ADAMTSL3: variants seen among roughly 807,000 people sequenced by gnomAD.
ADAMTSL3 encodes the protein ADAMTS-like protein 3.
A neutral mutation model predicts 201.7 loss-of-function variants in ADAMTSL3; 128 were observed. That is an observed-to-expected ratio of 0.63 (90% CI 0.55 to 0.73). The LOEUF (loss-of-function observed/expected upper bound fraction) is 0.73, where lower values mean the gene tolerates loss of function less well. ADAMTSL3 is among the 30% of genes least tolerant of loss of function. ADAMTSL3 has a pLI of 0.00. For missense variants in ADAMTSL3, 1,990 were observed against 2,119.6 expected, an observed-to-expected ratio of 0.94 and a Z score of 1.20; for synonymous variants, 738 against 748.4, an observed-to-expected ratio of 0.99 and a Z score of 0.23.
chr15:83,793,186 TGAG>T (rs2063369569), intron 4 of ADAMTSL3, among the ~76,000 whole-genome samples: 1 of 152,108 alleles, frequency 6.6e-6, no homozygotes, highest in African/African-American at 2.4e-5. Context: ...TTAAGATGGT[TGAG>T]GAGGGGAGTT....
chr15:83,891,440 T>C, intron 12 of ADAMTSL3, 61 bp downstream of exon 12: 1 of 1,388,216 alleles, frequency 7.2e-7, no homozygotes, highest in Non-Finnish European at 1.0e-6. Context: ...AACTGTAGCA[T>C]CTGTAGCAAT....
intron 20 of ADAMTSL3, among the ~76,000 whole-genome samples, chr15:83,977,582 A>G (rs2067309414): frequency 1.3e-5 from 2 of 152,274 alleles, no homozygotes; most frequent in Non-Finnish European, 2.9e-5. Context: ...GTGGTCAGAA[A>G]GGACCAGAAA....
At chr15:83,820,840 C>A (rs757213923) in intron 6 of ADAMTSL3, among the ~76,000 whole-genome samples, 1 of 152,020 alleles carries the variant, frequency 6.6e-6, no homozygotes, top group Non-Finnish European at 1.5e-5. Flanking sequence ...TTTGGGAGGC[C>A]GAGGTGGGTG....
chr15:83,731,383 T>C (rs767830688), intron 3 of ADAMTSL3, among the ~76,000 whole-genome samples: 3 of 152,078 alleles, frequency 2.0e-5, no homozygotes, highest in Non-Finnish European at 4.4e-5. Flanking sequence ...TTAGGATGTC[T>C]GTTATCAAAT....
At chr15:83,714,691 CCCTT>C (rs1171809498) in intron 3 of ADAMTSL3, among the ~76,000 whole-genome samples, 1 of 127,608 alleles carries the variant, frequency 7.8e-6, no homozygotes, top group African/African-American at 2.9e-5. Context: ...CTCCCTTCCT[CCCTT>C]CCTTCCTTCC....
At chr15:83,961,959 T>A (rs141568138) in intron 19 of ADAMTSL3, among the ~76,000 whole-genome samples, 3 of 152,310 alleles carry the variant, frequency 2.0e-5, no homozygotes, top group Non-Finnish European at 2.9e-5. Flanking sequence ...ATGATATAGT[T>A]TGGCTGTGTC....
chr15:83,902,762 C>A (rs2065751706), intron 15 of ADAMTSL3, among the ~76,000 whole-genome samples: 1 of 152,116 alleles, frequency 6.6e-6, no homozygotes, highest in South Asian at 2.1e-4. Context: ...CGGGCTGTTT[C>A]TTGCCCACAG....
At chr15:83,819,185 C>A (rs1056570561) in intron 5 of ADAMTSL3, among the ~76,000 whole-genome samples, 1 of 150,118 alleles carries the variant, frequency 6.7e-6, no homozygotes, top group Non-Finnish European at 1.5e-5. Flanking sequence ...GCAGGAGAAT[C>A]GCTTGAACCT....
chr15:84,001,655 GA>G (rs2067793826), intron 23 of ADAMTSL3, among the ~76,000 whole-genome samples: 1 of 152,214 alleles, frequency 6.6e-6, no homozygotes, highest in Admixed American at 6.5e-5. Context: ...CAGAACCTAG[GA>G]AGTGCTGCAG....
chr15:83,756,987 T>TCAG (rs1347720581), intron 3 of ADAMTSL3, among the ~76,000 whole-genome samples: 1 of 152,230 alleles, frequency 6.6e-6, no homozygotes, highest in East Asian at 1.9e-4. Context: ...CTCGGGCAGC[T>TCAG]CTGTCCCTGT....
chr15:83,814,324 T>C (rs1166744406), intron 5 of ADAMTSL3, among the ~76,000 whole-genome samples: 3 of 152,176 alleles, frequency 2.0e-5, no homozygotes, highest in African/African-American at 7.2e-5. Flanking sequence ...AATGCCATCT[T>C]TTATATTTTA....
At chr15:83,703,569 C>A (rs2061804795) in intron 2 of ADAMTSL3, among the ~76,000 whole-genome samples, 1 of 152,132 alleles carries the variant, frequency 6.6e-6, no homozygotes, top group African/African-American at 2.4e-5. Context: ...ATGGTTTTAT[C>A]AGGGGTTTCC....
At chr15:83,856,316 C>T (rs2064731605) in intron 7 of ADAMTSL3, among the ~76,000 whole-genome samples, 1 of 151,292 alleles carries the variant, frequency 6.6e-6, no homozygotes, top group Non-Finnish European at 1.5e-5. Context: ...TACAGGCACA[C>T]ACCACCATAC....
At chr15:84,002,936 C>CTTTTTTTTTTTTTTTTTTTTTTTTTTTTT (rs368176543) in intron 23 of ADAMTSL3, among the ~76,000 whole-genome samples, 11 of 99,974 alleles carry the variant, frequency 1.1e-4, no homozygotes, top group Non-Finnish European at 1.7e-4. Flanking sequence ...CTTTTCTTTT[C>CTTTTTTTTTTTTTTTTTTTTTTTTTTTTT]TTTTTTTTTT....
At chr15:83,799,508 A>C (rs983819971) in intron 4 of ADAMTSL3, among the ~76,000 whole-genome samples, 19 of 152,144 alleles carry the variant, frequency 1.2e-4, no homozygotes, top group Non-Finnish European at 1.5e-4. Flanking sequence ...TACTATTTTA[A>C]AAATTAATAT....
At chr15:83,934,409 C>T (rs1022099234) in intron 17 of ADAMTSL3, among the ~76,000 whole-genome samples, 27 of 152,216 alleles carry the variant, frequency 1.8e-4, no homozygotes, top group African/African-American at 6.5e-4. Context: ...CCTGTACCCC[C>T]ATTATATCTA....
chr15:83,838,076 C>T lies in ADAMTSL3; in HGVS notation c.601-13C>T. 1.9e-6 allele frequency: 3 copies of T among 1,605,092 alleles called. No homozygotes were observed. The highest frequency in any genetic ancestry group is 2.5e-6 in the Non-Finnish European group (3 of 1,176,756). On this transcript the variant is annotated splice_polypyrimidine_tract_variant and intron_variant, in intron 6 of 29. Transcript: ENST00000286744. ...GCTTTGGGCACCACTGACTGCCATG[C>T]TTCTGTTGGCAGGCAGTGGGCTGCG... is the stretch of plus-strand genomic sequence containing the variant.
At chr15:83,891,017 ATATTAAG>A in intron 11 of ADAMTSL3, 1 of 190,568 alleles carries the variant, frequency 5.2e-6, no homozygotes, top group Non-Finnish European at 1.1e-5. Context: ...TATCACTAAT[ATATTAAG>A]AGAGTAATGA....
At chr15:83,995,704 A>G (rs12913054) in intron 23 of ADAMTSL3, among the ~76,000 whole-genome samples, 24,585 of 152,120 alleles carry the variant, frequency 0.16, 2,593 homozygotes, top group Middle Eastern at 0.34. Context: ...GAAAATATAC[A>G]AAGTTTTGGA....
Sources: gnomAD v4.1 joint callset for allele counts (sites outside exome capture counted in the v4.1 genomes callset) on GRCh38, gnomAD v4.1.1 for gene constraint, MANE v1.5 for transcripts, NCBI Gene and HGNC (gene_info 2026-07-23, HGNC 2026-07-21) for gene names.